NRXN3: variants seen among roughly 807,000 people sequenced by gnomAD.
NRXN3 encodes the protein neurexin III.
A neutral mutation model predicts 137.6 loss-of-function variants in NRXN3; 32 were observed. That is an observed-to-expected ratio of 0.23 (90% CI 0.18 to 0.31). The LOEUF (loss-of-function observed/expected upper bound fraction) is 0.31. Among genes scored for constraint, NRXN3 ranks in the 10% least tolerant of loss-of-function variants. The probability of loss-of-function intolerance (pLI) is 1.00; values close to 1 mark genes in which losing one functional copy is unlikely to be tolerated. For missense variants in NRXN3, 1,574 were observed against 2,062.5 expected (o/e 0.76, Z 4.59); for synonymous variants, 798 against 784.5 (o/e 1.02, Z -0.29).
At chr14:79,527,408 T>A (rs1408935150) in intron 16 of NRXN3, among the ~76,000 whole-genome samples, 1 of 147,900 alleles carries the variant, frequency 6.8e-6, no homozygotes, top group African/African-American at 2.5e-5. Flanking sequence ...GATGAGGAGA[T>A]TGTGGATGGA....
At chr14:79,541,934 G>C (rs181612768) in intron 16 of NRXN3, among the ~76,000 whole-genome samples, 9 of 152,302 alleles carry the variant, frequency 5.9e-5, no homozygotes, top group Non-Finnish European at 1.3e-4. Context: ...CTTTAGATTA[G>C]ATGCTGTCAG....
At chr14:78,844,646 G>C (rs1596421459) in intron 10 of NRXN3, among the ~76,000 whole-genome samples, 1 of 152,088 alleles carries the variant, frequency 6.6e-6, no homozygotes, top group African/African-American at 2.4e-5. Flanking sequence ...ATTAGTTGCT[G>C]TAGTTCCAGG....
intron 4 of NRXN3, among the ~76,000 whole-genome samples, chr14:78,562,136 C>T (rs186361060): frequency 7.9e-4 from 120 of 152,060 alleles, no homozygotes; most frequent in African/African-American, 1.7e-3. Context: ...CGATGTCTCA[C>T]GCCTGTAATC....
At chr14:79,131,430 C>T (rs1299015726) in intron 15 of NRXN3, among the ~76,000 whole-genome samples, 2 of 152,076 alleles carry the variant, frequency 1.3e-5, no homozygotes, top group African/African-American at 4.8e-5. Context: ...TGTTGGAGTA[C>T]CCAGCCGTGT....
At chr14:79,697,529 G>T in intron 18 of NRXN3, 101 bp from the exon 19 acceptor site, 1 of 1,284,524 alleles carries the variant, frequency 7.8e-7, no homozygotes, top group Non-Finnish European at 1.1e-6. Context: ...CCCTTCAATT[G>T]CTCAAGGAAG....
At chr14:79,348,295 A>G (rs886653651) in intron 15 of NRXN3, among the ~76,000 whole-genome samples, 4 of 152,078 alleles carry the variant, frequency 2.6e-5, no homozygotes, top group African/African-American at 9.7e-5. Context: ...ACTTTAATTT[A>G]GATATAGAGT....
At chr14:78,959,511 A>G (rs2099403923) in intron 11 of NRXN3, among the ~76,000 whole-genome samples, 1 of 152,164 alleles carries the variant, frequency 6.6e-6, no homozygotes, top group Non-Finnish European at 1.5e-5. Flanking sequence ...AAAGTCTCCT[A>G]AGAAACTTAC....
At chr14:78,996,116 C>T (rs1414100077) in intron 15 of NRXN3, among the ~76,000 whole-genome samples, 1 of 151,970 alleles carries the variant, frequency 6.6e-6, no homozygotes, top group African/African-American at 2.4e-5. Flanking sequence ...CTAACTTTTG[C>T]CCTATGTTTT....
chr14:79,173,343 G>T (rs973640274), intron 15 of NRXN3, among the ~76,000 whole-genome samples: 1 of 151,782 alleles, frequency 6.6e-6, no homozygotes, highest in African/African-American at 2.4e-5. Context: ...CAGCCTGGGC[G>T]ACATGATGAG....
At chr14:79,693,780 G>T (rs974516492) in intron 18 of NRXN3, among the ~76,000 whole-genome samples, 1 of 151,770 alleles carries the variant, frequency 6.6e-6, no homozygotes, top group Non-Finnish European at 1.5e-5. Context: ...GGTTGGGATG[G>T]GGGGAGGGGT....
chr14:79,526,034 A>C (rs2097115487), intron 16 of NRXN3, among the ~76,000 whole-genome samples: 1 of 152,088 alleles, frequency 6.6e-6, no homozygotes, highest in Non-Finnish European at 1.5e-5. Context: ...GGCACATGCC[A>C]CCATACCCAC....
chr14:79,051,904 A>G (rs1293803858), intron 15 of NRXN3, among the ~76,000 whole-genome samples: 1 of 152,192 alleles, frequency 6.6e-6, no homozygotes, highest in Non-Finnish European at 1.5e-5. Flanking sequence ...TAAGATGAAC[A>G]AGTTTGCATT....
chr14:78,524,194 G>A (rs551318674), intron 4 of NRXN3, among the ~76,000 whole-genome samples: 2 of 151,362 alleles, frequency 1.3e-5, no homozygotes, highest in African/African-American at 2.4e-5. Flanking sequence ...CTTAGTGTAT[G>A]TTTTTTTTTG....
intron 15 of NRXN3, among the ~76,000 whole-genome samples, chr14:79,184,248 G>A (rs2063262810): frequency 6.6e-6 from 1 of 152,128 alleles, no homozygotes; most frequent in Admixed American, 6.5e-5. Context: ...AGTGTTTTGG[G>A]CAACTGTTCA....
At chr14:79,363,808 T>C (rs542408809) in intron 15 of NRXN3, among the ~76,000 whole-genome samples, 1 of 152,324 alleles carries the variant, frequency 6.6e-6, no homozygotes, top group East Asian at 1.9e-4. Context: ...TAGAATCCTG[T>C]TAAATCTAAC....
intron 6 of NRXN3, among the ~76,000 whole-genome samples, chr14:78,682,310 C>T (rs2098084388): frequency 6.6e-6 from 1 of 151,982 alleles, no homozygotes; most frequent in East Asian, 1.9e-4. Flanking sequence ...TGGATTAAGA[C>T]TGTCAGCATC....
intron 8 of NRXN3, among the ~76,000 whole-genome samples, chr14:78,730,560 G>A (rs1050887405): frequency 1.3e-5 from 2 of 152,108 alleles, no homozygotes; most frequent in Non-Finnish European, 2.9e-5. Context: ...TTGACTCAGG[G>A]CTGTTATAAA....
intron 15 of NRXN3, among the ~76,000 whole-genome samples, chr14:79,239,219 A>G (rs914363956): frequency 1.1e-4 from 17 of 152,206 alleles, no homozygotes; most frequent in Admixed American, 7.2e-4. Flanking sequence ...TGAATGTATT[A>G]TAGTCTCCCT....
At chr14:79,073,292 A>AAAT (rs1486064798) in intron 15 of NRXN3, among the ~76,000 whole-genome samples, 1 of 152,208 alleles carries the variant, frequency 6.6e-6, no homozygotes, top group African/African-American at 2.4e-5. Flanking sequence ...CAGAGAGTCA[A>AAAT]AATTCTACAG....
Sources: gnomAD v4.1 joint callset for allele counts (sites outside exome capture counted in the v4.1 genomes callset) on GRCh38, gnomAD v4.1.1 for gene constraint, MANE v1.5 for transcripts, NCBI Gene and HGNC (gene_info 2026-07-23, HGNC 2026-07-21) for gene names.